KAT6A: variants seen among roughly 807,000 people sequenced by gnomAD.
KAT6A encodes the protein histone acetyltransferase KAT6A.
A neutral mutation model predicts 198.4 loss-of-function variants in KAT6A; 9 were observed. The observed-to-expected ratio is 0.05, with a 90% CI of 0.03 to 0.08. KAT6A has a LOEUF of 0.08. Ranked by LOEUF, KAT6A falls within the 10% of genes least tolerant of loss-of-function variation. The pLI, the probability that KAT6A is intolerant of heterozygous loss-of-function variation, is 1.00. For missense variants in KAT6A, 2,077 were observed against 2,509.9 expected, an observed-to-expected ratio of 0.83 and a Z score of 3.69; for synonymous variants, 890 against 883.0, an observed-to-expected ratio of 1.01 and a Z score of -0.14.
chr8:41,974,463 A>C (rs1823951070), intron 8 of KAT6A: 1 of 327,702 alleles, frequency 3.1e-6, no homozygotes, highest in East Asian at 4.8e-5. Flanking sequence ...AGTAAGACAA[A>C]AAATAAACCA....
In KAT6A at chr8:41,972,268, G is replaced by A. The variant is rs890970508; in HGVS notation, c.1482+2436C>T. 2.0e-5 allele frequency among the ~76,000 whole-genome samples: 3 copies of A among 152,136 alleles called. 1 individual carries two copies. Among genetic ancestry groups the A allele is most frequent in the East Asian group, 1.9e-4 (1 of 5,196 alleles). On this transcript the variant is annotated intron_variant, in intron 8 of 16. Transcript: ENST00000265713. ...AAATGGCAAAGAAATGATAGAATTA[G>A]AAAATAATGTTTGGCCACCAACAAA...
At chr8:42,031,467 C>T (rs1374117668) in intron 2 of KAT6A, among the ~76,000 whole-genome samples, 1 of 151,878 alleles carries the variant, frequency 6.6e-6, no homozygotes, top group Non-Finnish European at 1.5e-5. Flanking sequence ...CTATCATCCC[C>T]CTTCTAGTTC....
In KAT6A at chr8:41,943,798, G is replaced by A; in HGVS notation, c.2178C>T (p.Asp726=). ...GTAGGTGGTGGAGTGTGGAAGTGAT[G>A]TCTTGAGGGCAGATTCCAGTCAACT... is the stretch of plus-strand genomic sequence containing the variant. The part of the protein sequence containing the change: ...LSKLTGICPQ[D]ITSTLHHLRM... The change falls in exon 13 of 17, where the codon GAC becomes GAT. Residue 726 remains aspartate (D), a synonymous_variant. Coordinates refer to ENST00000265713, the MANE Select transcript of KAT6A (RefSeq NM_006766.5). The A allele has an allele frequency of 1.2e-6, 2 of 1,614,004 alleles. No homozygotes were observed. Among genetic ancestry groups the A allele is most frequent in the Non-Finnish European group, 1.7e-6 (2 of 1,179,996 alleles).
At chr8:41,936,073 C>A (rs1006808903) in intron 16 of KAT6A, among the ~76,000 whole-genome samples, 1 of 151,980 alleles carries the variant, frequency 6.6e-6, no homozygotes, top group Non-Finnish European at 1.5e-5. Context: ...ACCAGCCTGG[C>A]CAACATGGTG....
intron 6 of KAT6A, 91 bp downstream of exon 6, chr8:41,978,551 G>C: frequency 7.4e-7 from 1 of 1,359,978 alleles, no homozygotes; most frequent in Non-Finnish European, 1.0e-6. Context: ...TATGACAATG[G>C]AATTTTTTTC....
intron 8 of KAT6A, among the ~76,000 whole-genome samples, chr8:41,965,336 T>C (rs1317465226): frequency 2.0e-5 from 3 of 152,226 alleles, no homozygotes; most frequent in African/African-American, 4.8e-5. Context: ...TTTAAAAATA[T>C]TAAAACCATC....
Position 42,038,931 on chromosome 8 carries a change from T to C in KAT6A, c.600+9447A>G, listed in dbSNP as rs542832896. Among the ~76,000 whole-genome samples, 27 of 152,302 alleles carry C rather than the reference T, an allele frequency of 1.8e-4. No individual in the cohort carries two copies. In the South Asian group the frequency reaches 5.6e-3, roughly 32 times the overall value. On this transcript the variant is annotated intron_variant, in intron 2 of 16. Transcript: ENST00000265713. Reference sequence around the variant, plus strand: ...TGCTTAATTTCAACTCCTAATAAAATAGTGCCACACTACAAATGGTTTCTT... The same window carrying C: ...TGCTTAATTTCAACTCCTAATAAAACAGTGCCACACTACAAATGGTTTCTT...
chr8:41,957,978 A>T (rs1381361790), intron 8 of KAT6A: 1 of 152,344 alleles, frequency 6.6e-6, no homozygotes, highest in African/African-American at 2.4e-5. Flanking sequence ...TGTCCACTGG[A>T]GCGCTCTCAC....
Position 41,930,055 on chromosome 8 carries a change from C to CTT in KAT6A, c.*2148_*2149dup. 1 of 226,564 alleles carries CTT rather than the reference C, an allele frequency of 4.4e-6. No individual in the cohort carries two copies. Among genetic ancestry groups the CTT allele is most frequent in the Non-Finnish European group, 8.8e-6 (1 of 114,154 alleles). The allele number at this position is 226,564 out of a possible 1,614,324, so 14.0% of individuals were successfully genotyped here. On this transcript the variant is annotated 3_prime_UTR_variant, in exon 17 of 17. Transcript: ENST00000265713. The stretch of plus-strand genomic sequence containing the variant: ...ATTTCTTTTATAATATAGAAAAGAA[C>CTT]TTTTTTTTTCTACAATAGTTCTACA...
chr8:41,978,040 G>A (rs1441774644), intron 6 of KAT6A, among the ~76,000 whole-genome samples: 3 of 152,182 alleles, frequency 2.0e-5, no homozygotes. Flanking sequence ...ACTAGCTACT[G>A]AATCTTGCCC....
intron 2 of KAT6A, among the ~76,000 whole-genome samples, chr8:42,011,591 T>C (rs1826017885): frequency 6.6e-6 from 1 of 151,556 alleles, no homozygotes; most frequent in Non-Finnish European, 1.5e-5. Flanking sequence ...CACAGAAAAA[T>C]CAGCTGGGTG....
rs369797679 is a variant in KAT6A at position 41,981,884 on chromosome 8, G to A, written c.780C>T (p.Ile260=). 41 of 1,613,940 alleles carry A rather than the reference G, an allele frequency of 2.5e-5. No individual in the cohort carries two copies. The East Asian group carries it at 5.1e-4, about 20-fold the overall frequency. ...GACAGGAGCTGCATGTTTTACACTC[G>A]ATGCACTGCCACCGTAAGGCCTTCA... is the stretch of plus-strand genomic sequence containing the variant. ...VRVKALRWQC[I]ECKTCSSCRD... Residue 260 remains isoleucine (I), a synonymous_variant, in exon 4 of 17, where the codon ATC becomes ATT. Transcript: ENST00000265713.
intron 6 of KAT6A, 21 bp from the exon 7 acceptor site, chr8:41,977,348 A>G (rs1247464844): frequency 1.3e-6 from 2 of 1,571,590 alleles, no homozygotes; most frequent in Non-Finnish European, 1.7e-6. Context: ...AAACAGGGGA[A>G]AGGGTAAGTA....
intron 2 of KAT6A, among the ~76,000 whole-genome samples, chr8:42,010,260 G>A (rs372504231): frequency 2.0e-5 from 3 of 152,096 alleles, no homozygotes; most frequent in Non-Finnish European, 2.9e-5. Flanking sequence ...AGCCAAGATC[G>A]CACCACTGCA....
At chr8:42,039,983 G>A (rs1024579081) in intron 2 of KAT6A, among the ~76,000 whole-genome samples, 4 of 151,324 alleles carry the variant, frequency 2.6e-5, no homozygotes, top group Admixed American at 6.6e-5. Flanking sequence ...TCCTGACCTC[G>A]AGATCCGCCT....
chr8:41,931,123 T>C lies in KAT6A; in HGVS notation c.*1082A>G, dbSNP rs1257413760. ...TCAGTTATTTTTCAAATCACTAAAA[T>C]GTACAGTCATCCACCAACAATTTAA... On this transcript the variant is annotated 3_prime_UTR_variant, in exon 17 of 17. Coordinates refer to ENST00000265713, the MANE Select transcript of KAT6A (RefSeq NM_006766.5). The C allele has an allele frequency of 4.5e-6, 1 of 222,428 alleles. No homozygotes were observed. Among genetic ancestry groups the C allele is most frequent in the Non-Finnish European group, 9.0e-6 (1 of 111,080 alleles). The allele number at this position is 222,428 out of a possible 1,614,324, so 13.8% of individuals were successfully genotyped here.
At chr8:42,012,586 G>A (rs1422998598) in intron 2 of KAT6A, among the ~76,000 whole-genome samples, 1 of 152,102 alleles carries the variant, frequency 6.6e-6, no homozygotes, top group African/African-American at 2.4e-5. Context: ...ATGCCTGCAG[G>A]GGCAATGTGT....
At chr8:41,988,355 G>A (rs988151900) in intron 2 of KAT6A, among the ~76,000 whole-genome samples, 3 of 152,128 alleles carry the variant, frequency 2.0e-5, no homozygotes, top group African/African-American at 7.2e-5. Flanking sequence ...AAAGAAGTTG[G>A]ACTCTCAAAC....
chr8:42,024,918 G>A (rs1826725571), intron 2 of KAT6A, among the ~76,000 whole-genome samples: 1 of 152,138 alleles, frequency 6.6e-6, no homozygotes, highest in Admixed American at 6.6e-5. Flanking sequence ...GGGGGTATAA[G>A]TATCCCTTTG....
Sources: gnomAD v4.1 joint callset for allele counts (sites outside exome capture counted in the v4.1 genomes callset) on GRCh38, gnomAD v4.1.1 for gene constraint, MANE v1.5 for transcripts, NCBI Gene and HGNC (gene_info 2026-07-23, HGNC 2026-07-21) for gene names.